GRM7: variants seen among roughly 807,000 people sequenced by gnomAD.
GRM7 encodes glutamate metabotropic receptor 7.
A neutral mutation model predicts 84.5 loss-of-function variants in GRM7; 35 were observed. The ratio of observed to expected loss-of-function variants is 0.41; its 90% confidence interval spans 0.32 to 0.55. GRM7 has a LOEUF of 0.55. Ranked by LOEUF, GRM7 falls within the 20% of genes least tolerant of loss-of-function variation. The probability of loss-of-function intolerance (pLI) is 0.19; values close to 1 mark genes in which losing one functional copy is unlikely to be tolerated. For synonymous variants in GRM7, 487 were observed against 455.1 expected, an observed-to-expected ratio of 1.07 and a Z score of -0.89; for missense variants, 1,003 against 1,194.6, an observed-to-expected ratio of 0.84 and a Z score of 2.36.
chr3:7,064,473 T>TAC (rs1247589387), intron 1 of GRM7, among the ~76,000 whole-genome samples: 1 of 95,640 alleles, frequency 1.0e-5, no homozygotes, highest in Non-Finnish European at 2.1e-5. Context: ...CATATATATA[T>TAC]ATATATACAC....
intron 4 of GRM7, among the ~76,000 whole-genome samples, chr3:7,316,320 T>C (rs753992378): frequency 6.6e-6 from 1 of 152,102 alleles, no homozygotes; most frequent in Non-Finnish European, 1.5e-5. Context: ...ACCTGATCTG[T>C]CTTATGTACT....
intron 1 of GRM7, among the ~76,000 whole-genome samples, chr3:7,118,980 T>A (rs1353222307): frequency 6.6e-6 from 1 of 152,188 alleles, no homozygotes; most frequent in East Asian, 1.9e-4. Context: ...AATCTCTATT[T>A]TCTCTCTTTT....
At position 7,485,258 on chromosome 3, in the gene GRM7, C is replaced by G. The variant is rs951650484; in HGVS notation, c.1515+23536C>G. On this transcript the variant is annotated intron_variant, in intron 7 of 9. Transcript: ENST00000357716. ...CTATGTGTTGGGGTAATTTGTTACA[C>G]AGCAGTCAATAACTAATATGCCTTC... Among the ~76,000 whole-genome samples, 3 of 152,188 alleles carry G rather than the reference C, an allele frequency of 2.0e-5. No homozygotes were observed. The South Asian group carries it at 6.2e-4, about 32-fold the overall frequency.
At chr3:6,892,036 G>A (rs112792474) in intron 1 of GRM7, among the ~76,000 whole-genome samples, 14,011 of 152,098 alleles carry the variant, frequency 0.092, 709 homozygotes, top group Middle Eastern at 0.12. Flanking sequence ...GGCTCCTGAG[G>A]CTTCTGCATT....
intron 2 of GRM7, among the ~76,000 whole-genome samples, chr3:7,274,125 A>G (rs1304896821): frequency 6.6e-6 from 1 of 151,944 alleles, no homozygotes; most frequent in Non-Finnish European, 1.5e-5. Flanking sequence ...ATTACTATCA[A>G]TATTTCTTCA....
intron 7 of GRM7, among the ~76,000 whole-genome samples, chr3:7,483,321 G>A (rs1264876882): frequency 1.3e-5 from 2 of 152,186 alleles, no homozygotes; most frequent in Non-Finnish European, 2.9e-5. Context: ...GGATTGGAAG[G>A]CCAGGCTCCT....
chr3:7,284,232 A>T (rs557431213), intron 2 of GRM7, among the ~76,000 whole-genome samples: 55 of 152,072 alleles, frequency 3.6e-4, no homozygotes, highest in Non-Finnish European at 7.2e-4. Context: ...TTACCAAAGT[A>T]CCAGAGTGTT....
At chr3:7,060,472 C>T (rs530332307) in intron 1 of GRM7, among the ~76,000 whole-genome samples, 1 of 151,718 alleles carries the variant, frequency 6.6e-6, no homozygotes, top group Non-Finnish European at 1.5e-5. Flanking sequence ...CTTCCCTTTT[C>T]CTCTTTATTG....
chr3:7,720,740 A>G (rs989823447), intron 9 of GRM7, among the ~76,000 whole-genome samples: 2 of 152,246 alleles, frequency 1.3e-5, no homozygotes, highest in Non-Finnish European at 2.9e-5. Flanking sequence ...GATGTTGTCC[A>G]TAACTTTTTG....
intron 1 of GRM7, among the ~76,000 whole-genome samples, chr3:7,063,807 C>A (rs747580787): frequency 2.0e-5 from 3 of 151,696 alleles, no homozygotes; most frequent in Non-Finnish European, 2.9e-5. Context: ...GCCCTTTTCT[C>A]CCCATCTGAG....
At position 7,081,750 on chromosome 3, in the gene GRM7, G is replaced by A. The variant is rs559156048; in HGVS notation, c.520-64702G>A. ...AGGAAATTATAACTACTACTGCAGT[G>A]AACACACAAATGATAAATAAGTGAA... On this transcript the variant is annotated intron_variant, in intron 1 of 9. Transcript: ENST00000357716. 3.3e-5 allele frequency among the ~76,000 whole-genome samples: 5 copies of A among 152,188 alleles called. No homozygotes were observed. In the South Asian group the frequency reaches 6.2e-4, roughly 19 times the overall value.
chr3:7,642,822 T>C lies in GRM7; in HGVS notation c.2452-37227T>C, dbSNP rs778596411. Reference sequence around the variant, plus strand: ...TTGATGAATAAATCAGAAAAATCTGTTTCTCATGTATGAGAACATGAAAAC... The same window carrying C: ...TTGATGAATAAATCAGAAAAATCTGCTTCTCATGTATGAGAACATGAAAAC... On this transcript the variant is annotated intron_variant, in intron 8 of 9. Coordinates refer to ENST00000357716, the MANE Select transcript of GRM7 (RefSeq NM_000844.4). Among the ~76,000 whole-genome samples the C allele has an allele frequency of 2.3e-4, 35 of 152,168 alleles. 1 individual carries two copies. Among genetic ancestry groups the C allele is most frequent in the Admixed American group, 7.9e-4 (12 of 15,276 alleles).
intron 1 of GRM7, among the ~76,000 whole-genome samples, chr3:7,029,315 C>CAA (rs1207041327): frequency 0.046 from 4,289 of 92,502 alleles, 76 homozygotes; most frequent in South Asian, 0.082. Context: ...AAAAAAAAAA[C>CAA]AAAAAAAAAA....
At chr3:7,113,155 T>C (rs1317512204) in intron 1 of GRM7, among the ~76,000 whole-genome samples, 1 of 152,186 alleles carries the variant, frequency 6.6e-6, no homozygotes, top group Non-Finnish European at 1.5e-5. Context: ...AAAATCATTG[T>C]GTACTTGAAA....
chr3:7,202,990 T>C (rs530728409), intron 2 of GRM7, among the ~76,000 whole-genome samples: 1 of 152,354 alleles, frequency 6.6e-6, no homozygotes, highest in South Asian at 2.1e-4. Context: ...GTTAGATGCA[T>C]AGAATGTGTT....
intron 2 of GRM7, among the ~76,000 whole-genome samples, chr3:7,147,586 T>G (rs1256487214): frequency 6.6e-6 from 1 of 152,132 alleles, no homozygotes; most frequent in Non-Finnish European, 1.5e-5. Context: ...TGTCATAAAT[T>G]GTGAAGATAC....
In GRM7 at chr3:7,150,098, A is replaced by C. The variant is rs565453837; in HGVS notation, c.736+3430A>C. ...GTGTGTGTGTGTGTGAGAGAGAGAGAGAGCAAGAAAGAGAGAGGGGGGTGC... is the reference window on the plus strand; with the variant it reads ...GTGTGTGTGTGTGTGAGAGAGAGAGCGAGCAAGAAAGAGAGAGGGGGGTGC... On this transcript the variant is annotated intron_variant, in intron 2 of 9. Coordinates refer to ENST00000357716, the MANE Select transcript of GRM7 (RefSeq NM_000844.4). Among the ~76,000 whole-genome samples the C allele has an allele frequency of 8.7e-4, 132 of 151,886 alleles. 4 individuals carry two copies. In the South Asian group the frequency reaches 0.026, roughly 30 times the overall value.
intron 4 of GRM7, among the ~76,000 whole-genome samples, chr3:7,327,647 A>C (rs904616881): frequency 6.6e-6 from 1 of 152,244 alleles, no homozygotes; most frequent in South Asian, 2.1e-4. Context: ...ATTGGAAGGC[A>C]GTTGGATGAC....
intron 5 of GRM7, among the ~76,000 whole-genome samples, chr3:7,434,374 T>C (rs1047317615): frequency 1.3e-5 from 2 of 152,190 alleles, no homozygotes; most frequent in Admixed American, 1.3e-4. Context: ...TTCCCAATCA[T>C]AACGTAAATC....
Sources: allele counts gnomAD v4.1 joint callset (sites outside exome capture counted in the v4.1 genomes callset), GRCh38; gene constraint gnomAD v4.1.1; transcripts MANE v1.5; gene names NCBI Gene and HGNC (gene_info 2026-07-23, HGNC 2026-07-21).